ADAM9: variants seen among roughly 807,000 people sequenced by gnomAD.
ADAM9 encodes disintegrin and metalloproteinase domain-containing protein 9.
A neutral mutation model predicts 108.1 loss-of-function variants in ADAM9; 54 were observed. The ratio of observed to expected loss-of-function variants is 0.50; its 90% CI spans 0.40 to 0.63. ADAM9 has a LOEUF of 0.63. Among genes scored for constraint, ADAM9 ranks in the 20% least tolerant of loss-of-function variants. ADAM9 has a pLI of 0.00. For synonymous variants in ADAM9, 316 were observed against 336.0 expected (o/e 0.94, Z 0.65); for missense variants, 830 against 997.7 (o/e 0.83, Z 2.26).
chr8:39,018,818 TC>T (rs1836634912), intron 6 of ADAM9, 34 bp from the exon 7 acceptor site: 3 of 1,598,608 alleles, frequency 1.9e-6, no homozygotes, highest in East Asian at 4.5e-5. Context: ...CCTTATAACT[TC>T]CTTTTGCCTT....
chr8:39,003,622 T>G (rs1233249320), intron 1 of ADAM9, among the ~76,000 whole-genome samples: 2 of 152,088 alleles, frequency 1.3e-5, no homozygotes, highest in African/African-American at 4.8e-5. Flanking sequence ...TTTCATACAA[T>G]TAGTATGTAT....
intron 1 of ADAM9, among the ~76,000 whole-genome samples, chr8:39,002,893 A>C (rs1317337123): frequency 6.6e-6 from 1 of 151,882 alleles, no homozygotes; most frequent in Non-Finnish European, 1.5e-5. Flanking sequence ...GCTGGAGTGC[A>C]GTGGTGCAAT....
rs902658600 is a variant in ADAM9, at chr8:39,045,556, ATATG to A, written c.1302+3441_1302+3444del. 1.4e-4 allele frequency among the ~76,000 whole-genome samples: 9 copies of A among 63,962 alleles called. 1 individual carries two copies. The highest frequency in any genetic ancestry group is 5.8e-4 in the African/African-American group (9 of 15,456). 42.0% of individuals were successfully genotyped at this position (63,962 alleles called of 152,430 possible). ...TATGTGTGTATATATGTGTGTGTGT[ATATG>A]TGTGTGTGTGTATATATATATATAT... On this transcript the variant is annotated intron_variant, in intron 12 of 21. Transcript: ENST00000487273.
rs965804702 is a variant in ADAM9, at chr8:39,050,698, C to G, written c.1303-3783C>G. On this transcript the variant is annotated intron_variant, in intron 12 of 21. Coordinates refer to ENST00000487273, the MANE Select transcript of ADAM9 (RefSeq NM_003816.3). ...TTCTATTGTTGTTAGCGCTCAGTGT[C>G]TACAATATGCTGGAGCCTATCAGTG... Among the ~76,000 whole-genome samples the G allele has an allele frequency of 3.9e-5, 6 of 152,010 alleles. No homozygotes were observed. The South Asian group carries it at 8.3e-4, about 21-fold the overall frequency.
At chr8:39,060,480 A>G (rs1441813763) in intron 14 of ADAM9, among the ~76,000 whole-genome samples, 1 of 152,194 alleles carries the variant, frequency 6.6e-6, no homozygotes, top group African/African-American at 2.4e-5. Flanking sequence ...GCCTTCAGAA[A>G]TCCAAATGGA....
At chr8:39,026,576 C>T in intron 10 of ADAM9, 101 bp from the exon 11 acceptor site, 2 of 1,429,364 alleles carry the variant, frequency 1.4e-6, no homozygotes, top group South Asian at 1.2e-5. Context: ...AGGCTGTCAA[C>T]AGTGTAGTGA....
Position 39,103,796 on chromosome 8 carries a change from T to G in ADAM9, c.*96T>G. On this transcript the variant is annotated 3_prime_UTR_variant, in exon 22 of 22. Coordinates refer to ENST00000487273, the MANE Select transcript of ADAM9 (RefSeq NM_003816.3). ...TCTTGAAAAGCCTTTCTGTTGCAACTATGAATGAAAACAAAACACCACAAA... is the reference window on the plus strand; with the variant it reads ...TCTTGAAAAGCCTTTCTGTTGCAACGATGAATGAAAACAAAACACCACAAA... 24 of 1,161,304 alleles carry G rather than the reference T, an allele frequency of 2.1e-5. No individual in the cohort carries two copies. The highest frequency in any genetic ancestry group is 2.8e-5 in the Non-Finnish European group (22 of 781,270). 71.9% of individuals were successfully genotyped at this position (1,161,304 alleles called of 1,614,324 possible).
intron 1 of ADAM9, among the ~76,000 whole-genome samples, chr8:39,004,564 TA>T (rs1031058118): frequency 6.6e-6 from 1 of 152,146 alleles, no homozygotes; most frequent in African/African-American, 2.4e-5. Flanking sequence ...AATTTTTTTT[TA>T]AAAAGTGAAA....
intron 18 of ADAM9, among the ~76,000 whole-genome samples, chr8:39,086,042 T>C (rs1167657184): frequency 6.6e-6 from 1 of 152,062 alleles, no homozygotes; most frequent in Non-Finnish European, 1.5e-5. Flanking sequence ...TGAGACAGAG[T>C]CTTGCTCTAT....
intron 20 of ADAM9, among the ~76,000 whole-genome samples, chr8:39,095,476 C>T (rs7835608): frequency 0.12 from 17,911 of 151,890 alleles, 1,167 homozygotes; most frequent in Middle Eastern, 0.28. Flanking sequence ...ATTTTGAGTC[C>T]TAATATTGTA....
intron 1 of ADAM9, 110 bp downstream of exon 1, chr8:38,997,270 C>G: frequency 7.6e-7 from 1 of 1,324,288 alleles, no homozygotes; most frequent in Non-Finnish European, 1.0e-6. Flanking sequence ...GGGATCGGAC[C>G]CGGGGTCGGG....
chr8:39,036,617 G>A (rs1484171309), intron 11 of ADAM9, among the ~76,000 whole-genome samples: 2 of 152,182 alleles, frequency 1.3e-5, no homozygotes, highest in Non-Finnish European at 2.9e-5. Context: ...AGAGGTGATA[G>A]AGAGTAGAAA....
chr8:39,000,159 G>T (rs1051608535), intron 1 of ADAM9, among the ~76,000 whole-genome samples: 9 of 151,886 alleles, frequency 5.9e-5, no homozygotes, highest in Non-Finnish European at 1.2e-4. Context: ...TGCCTGGCTA[G>T]TTTTTTGTAT....
chr8:39,091,359 TGAAAAATTATTTTTCTTTAC>T lies in ADAM9; in HGVS notation c.2298+14_2298+33del. 1 of 1,606,812 alleles carries T rather than the reference TGAAAAATTATTTTTCTTTAC, an allele frequency of 6.2e-7. No individual in the cohort carries two copies. The highest frequency in any genetic ancestry group is 2.2e-5 in the East Asian group (1 of 44,824). On this transcript the variant is annotated intron_variant, in intron 20 of 21. Transcript: ENST00000487273. ...TCCCAGAGAAGTTGTAAGTATAAAA[TGAAAAATTATTTTTCTTTAC>T]TGTATTAAAGGATCAAATGCTTAAG...
chr8:39,059,509 TGAGCCCATG>T (rs1297312165), intron 14 of ADAM9, among the ~76,000 whole-genome samples: 10 of 152,358 alleles, frequency 6.6e-5, no homozygotes, highest in African/African-American at 2.2e-4. Context: ...ACGTGGTTCC[TGAGCCCATG>T]GATGAGAATA....
intron 14 of ADAM9, among the ~76,000 whole-genome samples, chr8:39,058,722 G>C (rs1838203320): frequency 6.6e-6 from 1 of 152,148 alleles, no homozygotes; most frequent in Admixed American, 6.5e-5. Flanking sequence ...CATTATTGTG[G>C]CTCCTGGTGG....
intron 8 of ADAM9, among the ~76,000 whole-genome samples, chr8:39,022,091 TGTGTGTGA>T (rs1836762151): frequency 6.6e-6 from 1 of 150,818 alleles, no homozygotes; most frequent in Admixed American, 6.6e-5. Context: ...TGTGTGTGTG[TGTGTGTGA>T]GAGAGAGAGA....
At chr8:39,046,775 A>ATTT (rs113093288) in intron 12 of ADAM9, among the ~76,000 whole-genome samples, 1 of 146,602 alleles carries the variant, frequency 6.8e-6, no homozygotes, top group Non-Finnish European at 1.5e-5. Flanking sequence ...AATTAATTAA[A>ATTT]TTTTTTTTTT....
chr8:38,997,134 G>C lies in ADAM9; in HGVS notation c.71G>C (p.Gly24Ala), dbSNP rs1215114252. 3 of 1,603,090 alleles carry C rather than the reference G, an allele frequency of 1.9e-6. No individual in the cohort carries two copies. The highest frequency in any genetic ancestry group is 2.5e-6 in the Non-Finnish European group (3 of 1,179,440). ...TGGTTGCTGTTGCTTGGCCTGGTGG[G>C]CCCAGTCCTCGGTGCGGCGCGGCCA... Reference protein sequence around the residue: ...VRWLLLLGLVGPVLGAARPGF... With the variant: ...VRWLLLLGLVAPVLGAARPGF... Residue 24 changes from glycine to alanine, a missense_variant, in exon 1 of 22, where the codon GGC becomes GCC. By Grantham distance (60) the Gly-to-Ala change is moderately conservative. Transcript: ENST00000487273.
Sources: allele counts gnomAD v4.1 joint callset (sites outside exome capture counted in the v4.1 genomes callset), GRCh38; gene constraint gnomAD v4.1.1; transcripts MANE v1.5; gene names NCBI Gene and HGNC (gene_info 2026-07-23, HGNC 2026-07-21).